KIRREL3: variants seen among roughly 807,000 people sequenced by gnomAD.
The protein encoded by KIRREL3 is kin of IRRE-like protein 3.
A neutral mutation model predicts 89.7 loss-of-function variants in KIRREL3; 36 were observed. The observed-to-expected ratio is 0.40, with a 90% CI of 0.31 to 0.53. The LOEUF (loss-of-function observed/expected upper bound fraction) is 0.53. Among genes scored for constraint, KIRREL3 ranks in the 20% least tolerant of loss-of-function variants. The pLI is 0.49. For missense variants in KIRREL3, 864 were observed against 1,056.6 expected (o/e 0.82, Z 2.53); for synonymous variants, 445 against 441.4 (o/e 1.01, Z -0.10).
Position 126,454,124 on chromosome 11 carries a change from T to A in KIRREL3, c.848+2225A>T, listed in dbSNP as rs1320155367. The stretch of plus-strand genomic sequence containing the variant: ...GGATTCACCAGCTGTTAACATTTTC[T>A]CACGCGTGCTTTGCGGAGACCTCTC... On this transcript the variant is annotated intron_variant, in intron 7 of 16. Transcript: ENST00000525144. The surrounding 1 kb of genome is among the most constrained non-coding windows in gnomAD (Gnocchi z 5.8). 6.6e-6 allele frequency among the ~76,000 whole-genome samples: 1 copy of A among 152,184 alleles called. No homozygotes were observed. The highest frequency in any genetic ancestry group is 1.5e-5 in the Non-Finnish European group (1 of 68,042).
At chr11:126,700,874 C>G (rs1947289421) in intron 1 of KIRREL3, among the ~76,000 whole-genome samples, 1 of 152,234 alleles carries the variant, frequency 6.6e-6, no homozygotes. Flanking sequence ...GGCTAATGAG[C>G]TCAGTTCCTT....
Position 126,891,110 on chromosome 11 carries a change from T to C in KIRREL3, c.55+109345A>G, listed in dbSNP as rs1420171229. Among the ~76,000 whole-genome samples the C allele has an allele frequency of 6.6e-6, 1 of 152,212 alleles. No homozygotes were observed. The highest frequency in any genetic ancestry group is 2.4e-5 in the African/African-American group (1 of 41,448). On this transcript the variant is annotated intron_variant, in intron 1 of 16. Transcript: ENST00000525144. The surrounding 1 kb of genome is among the most constrained non-coding windows in gnomAD (Gnocchi z 5.1). ...GGGCTTTTGAAGCTACCTTTATTAA[T>C]TCAGTACCTAGCTTCTGCATTTAAT...
Position 126,557,639 on chromosome 11 carries a change from AT to A in KIRREL3, c.133+5195del, listed in dbSNP as rs573824074. Among the ~76,000 whole-genome samples the A allele has an allele frequency of 8.3e-4, 126 of 152,240 alleles. No homozygotes were observed. Among genetic ancestry groups the A allele is most frequent in the African/African-American group, 2.7e-3 (112 of 41,546 alleles). Reference sequence around the variant, plus strand: ...AGGAAACAGTAGAAGCTTTAGACTCATTTTTTTATTAGTGTACGAGGGTGCA... The same window carrying A: ...AGGAAACAGTAGAAGCTTTAGACTCATTTTTTATTAGTGTACGAGGGTGCA... On this transcript the variant is annotated intron_variant, in intron 2 of 16. Transcript: ENST00000525144. This position sits in a 1 kb window ranked among gnomAD's most constrained non-coding sequence, Gnocchi z 5.6.
chr11:126,975,798 T>C (rs1357984928), intron 1 of KIRREL3, among the ~76,000 whole-genome samples: 1 of 152,182 alleles, frequency 6.6e-6, no homozygotes, highest in Non-Finnish European at 1.5e-5. Flanking sequence ...GAAGAACTCC[T>C]AAGTCTTGCT....
In KIRREL3 at chr11:126,791,914, G is replaced by GGGAACAGGAGGGGCCCTGGGGGA. The variant is rs376323782; in HGVS notation, c.55+208540_55+208541insTCCCCCAGGGCCCCTCCTGTTCC. ...CTGTCTGCTGTGAAAACAGTTTAGA[G>GGGAACAGGAGGGGCCCTGGGGGA]GGAAGGCGGGGCTGCTTTCAAAGAA... On this transcript the variant is annotated intron_variant, in intron 1 of 16. Coordinates refer to ENST00000525144, the MANE Select transcript of KIRREL3 (RefSeq NM_032531.4). This position sits in a 1 kb window ranked among gnomAD's most constrained non-coding sequence, Gnocchi z 4.8. 0.029 allele frequency among the ~76,000 whole-genome samples: 4,475 copies of GGGAACAGGAGGGGCCCTGGGGGA among 152,226 alleles called. 217 individuals are homozygous for GGGAACAGGAGGGGCCCTGGGGGA. The highest frequency in any genetic ancestry group is 0.1 in the African/African-American group (4,242 of 41,508).
intron 4 of KIRREL3, among the ~76,000 whole-genome samples, chr11:126,509,190 G>A (rs1360237126): frequency 6.6e-5 from 10 of 152,142 alleles, no homozygotes; most frequent in African/African-American, 2.2e-4. Context: ...TCATGCCACC[G>A]TTTCTCATCA....
intron 1 of KIRREL3, among the ~76,000 whole-genome samples, chr11:126,910,532 T>C (rs1946775230): frequency 6.6e-6 from 1 of 152,174 alleles, no homozygotes; most frequent in African/African-American, 2.4e-5. Context: ...TGCTAAGAGC[T>C]TACTAAGGTC....
intron 1 of KIRREL3, among the ~76,000 whole-genome samples, chr11:126,794,547 C>T (rs1045120572): frequency 6.6e-6 from 1 of 152,140 alleles, no homozygotes; most frequent in South Asian, 2.1e-4. Context: ...GGAACATGTC[C>T]AATAATATTG....
At position 126,830,164 on chromosome 11, in the gene KIRREL3, T is replaced by C. The variant is rs1943559285; in HGVS notation, c.55+170291A>G. On this transcript the variant is annotated intron_variant, in intron 1 of 16. Coordinates refer to ENST00000525144, the MANE Select transcript of KIRREL3 (RefSeq NM_032531.4). This position sits in a 1 kb window ranked among gnomAD's most constrained non-coding sequence, Gnocchi z 4.9. ...CGCTGGCTTACCTGGAAGTTGTTCA[T>C]GAATGAACAACCCTTGCTAATCACT... is the stretch of plus-strand genomic sequence containing the variant. 6.6e-6 allele frequency among the ~76,000 whole-genome samples: 1 copy of C among 152,218 alleles called. No homozygotes were observed. Among genetic ancestry groups the C allele is most frequent in the South Asian group, 2.1e-4 (1 of 4,834 alleles).
intron 9 of KIRREL3, 122 bp downstream of exon 9, chr11:126,446,637 G>T: frequency 8.9e-7 from 1 of 1,121,798 alleles, no homozygotes. Flanking sequence ...TCTCCCTGTG[G>T]CTTACACTGG....
In KIRREL3 at chr11:126,635,839, ACACCCTGTCCTTC is replaced by A. The variant is rs1364867571; in HGVS notation, c.56-72940_56-72928del. Among the ~76,000 whole-genome samples, 1 of 152,188 alleles carries A rather than the reference ACACCCTGTCCTTC, an allele frequency of 6.6e-6. No individual in the cohort carries two copies. The highest frequency in any genetic ancestry group is 2.4e-5 in the African/African-American group (1 of 41,446). On this transcript the variant is annotated intron_variant, in intron 1 of 16. Coordinates refer to ENST00000525144, the MANE Select transcript of KIRREL3 (RefSeq NM_032531.4). This position sits in a 1 kb window ranked among gnomAD's most constrained non-coding sequence, Gnocchi z 4.0. Reference sequence around the variant, plus strand: ...AGGCAGAGTGTGTCCCATGAATGAGACACCCTGTCCTTCTCCCTCAAGACATCCTCTTTGTTTC... The same window carrying A: ...AGGCAGAGTGTGTCCCATGAATGAGATCCCTCAAGACATCCTCTTTGTTTC...
rs959394873 is a variant in KIRREL3, at chr11:126,924,529, C to G, written c.55+75926G>C. 2.6e-5 allele frequency among the ~76,000 whole-genome samples: 4 copies of G among 152,218 alleles called. No homozygotes were observed. The East Asian group carries it at 7.7e-4, about 29-fold the overall frequency. On this transcript the variant is annotated intron_variant, in intron 1 of 16. Coordinates refer to ENST00000525144, the MANE Select transcript of KIRREL3 (RefSeq NM_032531.4). The surrounding 1 kb of genome is among the most constrained non-coding windows in gnomAD (Gnocchi z 4.7). ...CTTGCCCGTTTGCAACAAGGAACATCTTTGGCTTCACACACCCGACCCACA... is the reference window on the plus strand; with the variant it reads ...CTTGCCCGTTTGCAACAAGGAACATGTTTGGCTTCACACACCCGACCCACA...
In KIRREL3 at chr11:126,516,775, G is replaced by T. The variant is rs1047033556; in HGVS notation, c.433+4540C>A. On this transcript the variant is annotated intron_variant, in intron 4 of 16. Coordinates refer to ENST00000525144, the MANE Select transcript of KIRREL3 (RefSeq NM_032531.4). The surrounding 1 kb of genome is among the most constrained non-coding windows in gnomAD (Gnocchi z 4.9). ...CTGGGATTCCTGTAGGTGGAAGAAGGAGCAGTCTGCATGTATATGTGTACA... is the reference window on the plus strand; with the variant it reads ...CTGGGATTCCTGTAGGTGGAAGAAGTAGCAGTCTGCATGTATATGTGTACA... Among the ~76,000 whole-genome samples the T allele has an allele frequency of 2.0e-5, 3 of 152,182 alleles. No individual in the cohort carries two copies. Among genetic ancestry groups the T allele is most frequent in the African/African-American group, 7.2e-5 (3 of 41,428 alleles).
chr11:126,442,612 C>T (rs958660021), intron 10 of KIRREL3, among the ~76,000 whole-genome samples: 2 of 152,206 alleles, frequency 1.3e-5, no homozygotes, highest in African/African-American at 4.8e-5. Flanking sequence ...GGATTTGTCG[C>T]GATAAAAACC....
Position 126,623,278 on chromosome 11 carries a change from A to T in KIRREL3, c.56-60366T>A, listed in dbSNP as rs904922889. Among the ~76,000 whole-genome samples, 4 of 152,154 alleles carry T rather than the reference A, an allele frequency of 2.6e-5. No homozygotes were observed. Among genetic ancestry groups the T allele is most frequent in the Non-Finnish European group, 5.9e-5 (4 of 68,032 alleles). ...GAAACCAAAGTGTCTTTGCACATAA[A>T]CAGACTGCCTCCCTGGAAACCAGGC... On this transcript the variant is annotated intron_variant, in intron 1 of 16. Coordinates refer to ENST00000525144, the MANE Select transcript of KIRREL3 (RefSeq NM_032531.4). The surrounding 1 kb of genome is among the most constrained non-coding windows in gnomAD (Gnocchi z 4.1).
rs568959202 is a variant in KIRREL3, at chr11:126,791,740, A to C, written c.55+208715T>G. On this transcript the variant is annotated intron_variant, in intron 1 of 16. Coordinates refer to ENST00000525144, the MANE Select transcript of KIRREL3 (RefSeq NM_032531.4). This position sits in a 1 kb window ranked among gnomAD's most constrained non-coding sequence, Gnocchi z 4.8. ...AAAGAGGGAGAGGGAACAGAGAGGG[A>C]TGGCCAGACCTTGCCTTCTTTGATT... Among the ~76,000 whole-genome samples the C allele has an allele frequency of 7.9e-4, 121 of 152,288 alleles. 2 individuals carry two copies. Among genetic ancestry groups the C allele is most frequent in the African/African-American group, 2.6e-3 (110 of 41,570 alleles).
rs560816036 is a variant in KIRREL3, at chr11:126,612,315, T to C, written c.56-49403A>G. 2.6e-5 allele frequency among the ~76,000 whole-genome samples: 4 copies of C among 152,238 alleles called. No individual in the cohort carries two copies. The East Asian group carries it at 7.7e-4, about 29-fold the overall frequency. On this transcript the variant is annotated intron_variant, in intron 1 of 16. Coordinates refer to ENST00000525144, the MANE Select transcript of KIRREL3 (RefSeq NM_032531.4). This position sits in a 1 kb window ranked among gnomAD's most constrained non-coding sequence, Gnocchi z 4.5. ...AAATGCTCCCTCAGAATTTGAGTATTATATGGACACCCCTGGCATAGAATA... is the reference window on the plus strand; with the variant it reads ...AAATGCTCCCTCAGAATTTGAGTATCATATGGACACCCCTGGCATAGAATA...
chr11:126,528,772 G>C lies in KIRREL3; in HGVS notation c.134-2085C>G, dbSNP rs75419633. Among the ~76,000 whole-genome samples the C allele has an allele frequency of 4.1e-3, 615 of 150,560 alleles. 3 individuals are homozygous for C. The highest frequency in any genetic ancestry group is 0.015 in the African/African-American group (593 of 40,808). On this transcript the variant is annotated intron_variant, in intron 2 of 16. Coordinates refer to ENST00000525144, the MANE Select transcript of KIRREL3 (RefSeq NM_032531.4). The surrounding 1 kb of genome is among the most constrained non-coding windows in gnomAD (Gnocchi z 4.6). The stretch of plus-strand genomic sequence containing the variant: ...AGGGAGGGACTGGAGAGAGAGCAAA[G>C]GAGTGAAGTGAGGACGTGGGAGAGA...
At chr11:126,450,863 GTGTGTGCATGTGTGCA>G (rs370244986) in intron 7 of KIRREL3, among the ~76,000 whole-genome samples, 242 of 150,712 alleles carry the variant, frequency 1.6e-3, no homozygotes, top group Non-Finnish European at 3.0e-3. Context: ...ATGTGCACGT[GTGTGTGCATGTGTGCA>G]TGTGTGCATG....
Sources: allele counts gnomAD v4.1 joint callset (sites outside exome capture counted in the v4.1 genomes callset), GRCh38; gene constraint gnomAD v4.1.1; non-coding constraint Gnocchi (gnomAD v3.1); transcripts MANE v1.5; gene names NCBI Gene and HGNC (gene_info 2026-07-23, HGNC 2026-07-21).